Variants in PPP1R9A observed in about 807,000 individuals in gnomAD.
PPP1R9A encodes protein phosphatase 1 regulatory subunit 9A.
A neutral mutation model predicts 141.9 loss-of-function variants in PPP1R9A; 59 were observed. The ratio of observed to expected loss-of-function variants is 0.42; its 90% CI spans 0.34 to 0.52. PPP1R9A has a LOEUF of 0.52. Ranked by LOEUF, PPP1R9A falls within the 20% of genes least tolerant of loss-of-function variation. The pLI, the probability that PPP1R9A is intolerant of heterozygous loss-of-function variation, is 0.10. For missense variants in PPP1R9A, 1,444 were observed against 1,611.9 expected (o/e 0.90, Z 1.78); for synonymous variants, 500 against 569.7 (o/e 0.88, Z 1.74).
intron 2 of PPP1R9A, among the ~76,000 whole-genome samples, chr7:95,073,062 T>C (rs1814229398): frequency 6.8e-6 from 1 of 147,658 alleles, no homozygotes; most frequent in Admixed American, 7.1e-5. Flanking sequence ...CTTGGCTCAC[T>C]GTGAGCTCCG....
intron 2 of PPP1R9A, among the ~76,000 whole-genome samples, chr7:94,934,268 C>T (rs1232676092): frequency 6.6e-6 from 1 of 152,182 alleles, no homozygotes; most frequent in African/African-American, 2.4e-5. Flanking sequence ...TTCCCTGTAT[C>T]AGACTCACAC....
chr7:95,139,530 A>G (rs917285211), intron 4 of PPP1R9A, among the ~76,000 whole-genome samples: 1 of 152,204 alleles, frequency 6.6e-6, no homozygotes, highest in African/African-American at 2.4e-5. Flanking sequence ...GTGCAACTTC[A>G]GGAATCTGTG....
chr7:95,269,484 A>C lies in PPP1R9A; in HGVS notation c.3101A>C (p.Asn1034Thr), dbSNP rs758584079. 6.3e-7 allele frequency: 1 copy of C among 1,578,766 alleles called. No individual in the cohort carries two copies. The highest frequency in any genetic ancestry group is 8.6e-7 in the Non-Finnish European group (1 of 1,162,678). ...EESPCHHQTT[N>T]KKILREKDDA... The stretch of plus-strand genomic sequence containing the variant: ...TCTCCTTGCCATCACCAAACCACCA[A>C]CAAGAAAATATTACGAGAAAAAGGT... Residue 1034 changes from asparagine (N) to threonine (T), a missense_variant, in exon 14 of 20, where the codon AAC (asparagine) becomes ACC (threonine). By Grantham distance (65) the Asn-to-Thr change is moderately conservative. Around this residue, in one of 5 missense-constraint regions of PPP1R9A, gnomAD observed 459 missense variants for 513.8 expected, o/e 0.89. Coordinates refer to ENST00000433360, the MANE Select transcript of PPP1R9A (RefSeq NM_001166160.2).
At position 95,007,509 on chromosome 7, in the gene PPP1R9A, A is replaced by T. The variant is rs117375716; in HGVS notation, c.1395+96001A>T. Among the ~76,000 whole-genome samples, 989 of 152,272 alleles carry T rather than the reference A, an allele frequency of 6.5e-3. 59 individuals are homozygous for T. In the East Asian group the frequency reaches 0.15, roughly 23 times the overall value. On this transcript the variant is annotated intron_variant, in intron 2 of 19. Transcript: ENST00000433360. Reference sequence around the variant, plus strand: ...GTTTGTATTCTCTCATTTCCCATACATATGTCTCCTCAATTGTGTTATTAT... The same window carrying T: ...GTTTGTATTCTCTCATTTCCCATACTTATGTCTCCTCAATTGTGTTATTAT...
chr7:95,075,919 G>A (rs568938900), intron 2 of PPP1R9A, among the ~76,000 whole-genome samples: 2 of 152,220 alleles, frequency 1.3e-5, no homozygotes, highest in African/African-American at 4.8e-5. Context: ...TAACTTGTGG[G>A]AAAGTAACTA....
Position 95,139,854 on chromosome 7 carries a change from C to T in PPP1R9A, c.1649+19022C>T, listed in dbSNP as rs142953325. On this transcript the variant is annotated intron_variant, in intron 4 of 19. Transcript: ENST00000433360. The stretch of plus-strand genomic sequence containing the variant: ...AAAAAAAAACCCTGAAGCTTTGACT[C>T]CCAACCTCATCATGAGTAAGCTTAA... Among the ~76,000 whole-genome samples, 1,133 of 150,730 alleles carry T rather than the reference C, an allele frequency of 7.5e-3. 26 individuals carry two copies. Among genetic ancestry groups the T allele is most frequent in the Admixed American group, 0.039 (596 of 15,104 alleles).
chr7:95,108,883 G>A (rs547555326), intron 2 of PPP1R9A: 2 of 152,120 alleles, frequency 1.3e-5, no homozygotes, highest in Non-Finnish European at 2.9e-5. Flanking sequence ...TAGTGAAATT[G>A]AGTGATGTTC....
intron 2 of PPP1R9A, among the ~76,000 whole-genome samples, chr7:95,016,773 G>T (rs1392333128): frequency 6.6e-6 from 1 of 152,070 alleles, no homozygotes; most frequent in African/African-American, 2.4e-5. Context: ...GCCTACTTTC[G>T]TCCACTTCAT....
intron 4 of PPP1R9A, among the ~76,000 whole-genome samples, chr7:95,153,430 G>C (rs891836254): frequency 2.0e-5 from 3 of 151,980 alleles, no homozygotes; most frequent in Admixed American, 2.0e-4. Flanking sequence ...TTAAGCTTTA[G>C]GTATGGATAT....
rs953535006 is a variant in PPP1R9A at position 95,256,385 on chromosome 7, A to G, written c.2665+4255A>G. 3.3e-5 allele frequency among the ~76,000 whole-genome samples: 5 copies of G among 152,178 alleles called. No individual in the cohort carries two copies. The South Asian group carries it at 1.0e-3, about 32-fold the overall frequency. On this transcript the variant is annotated intron_variant, in intron 12 of 19. Coordinates refer to ENST00000433360, the MANE Select transcript of PPP1R9A (RefSeq NM_001166160.2). ...AGGAAAAATACATATAATTATTTCA[A>G]TGAATGAAGACAAACATTTAATGAA... is the stretch of plus-strand genomic sequence containing the variant.
rs185111633 is a variant in PPP1R9A at position 95,274,207 on chromosome 7, C to G, written c.3296+39C>G. 122 of 1,460,414 alleles carry G rather than the reference C, an allele frequency of 8.4e-5. No individual in the cohort carries two copies. In the East Asian group the frequency reaches 2.6e-3, roughly 31 times the overall value. The allele number at this position is 1,460,414 out of a possible 1,614,324, so 90.5% of individuals were successfully genotyped here. On this transcript the variant is annotated intron_variant, in intron 16 of 19. Coordinates refer to ENST00000433360, the MANE Select transcript of PPP1R9A (RefSeq NM_001166160.2). ...ATTAAGAACACGTGTATTTCTATAC[C>G]TAAACTTTCTGGCCCCCTCTTCTAT...
At chr7:95,174,770 A>C (rs549527877) in intron 5 of PPP1R9A, among the ~76,000 whole-genome samples, 2 of 152,198 alleles carry the variant, frequency 1.3e-5, no homozygotes, top group Admixed American at 6.6e-5. Flanking sequence ...TCTTGCATCT[A>C]ATTTTTTTAT....
At chr7:95,182,559 C>A (rs1034519878) in intron 5 of PPP1R9A, among the ~76,000 whole-genome samples, 1 of 152,208 alleles carries the variant, frequency 6.6e-6, no homozygotes, top group East Asian at 1.9e-4. Flanking sequence ...GTACAAGGGG[C>A]AATTGAGAAT....
intron 3 of PPP1R9A, among the ~76,000 whole-genome samples, chr7:95,119,345 A>T (rs1188686951): frequency 6.6e-6 from 1 of 152,246 alleles, no homozygotes; most frequent in Non-Finnish European, 1.5e-5. Context: ...AAATGGAAAT[A>T]AAAATGTGAA....
intron 2 of PPP1R9A, among the ~76,000 whole-genome samples, chr7:94,934,191 G>A (rs1203929082): frequency 6.6e-6 from 1 of 152,084 alleles, no homozygotes; most frequent in Non-Finnish European, 1.5e-5. Context: ...CAATATTTTG[G>A]CCTTTTTACT....
In PPP1R9A at chr7:95,269,535, A is replaced by G. The variant is rs371388323; in HGVS notation, c.3124+28A>G. ...ATTGTTAATTTCTTTTTCTGACTTC[A>G]TAACACCTCAGCTTGTACAGTATAA... On this transcript the variant is annotated intron_variant, in intron 14 of 19. Coordinates refer to ENST00000433360, the MANE Select transcript of PPP1R9A (RefSeq NM_001166160.2). 7 of 1,511,406 alleles carry G rather than the reference A, an allele frequency of 4.6e-6. No homozygotes were observed. In the African/African-American group the frequency reaches 5.5e-5, roughly 12 times the overall value. 93.6% of individuals were successfully genotyped at this position (1,511,406 alleles called of 1,614,324 possible).
intron 12 of PPP1R9A, among the ~76,000 whole-genome samples, chr7:95,254,674 G>A (rs927617422): frequency 6.6e-6 from 1 of 152,142 alleles, no homozygotes; most frequent in African/African-American, 2.4e-5. Context: ...GTAGGTCAAT[G>A]AAAATGGTCA....
intron 8 of PPP1R9A, among the ~76,000 whole-genome samples, chr7:95,228,574 A>G (rs921892391): frequency 1.3e-5 from 2 of 152,156 alleles, no homozygotes; most frequent in Non-Finnish European, 2.9e-5. Flanking sequence ...CTTCAGTGCA[A>G]TACTATTAGA....
intron 2 of PPP1R9A, among the ~76,000 whole-genome samples, chr7:95,000,385 A>G (rs854729): frequency 0.39 from 59,322 of 152,010 alleles, 12,410 homozygotes; most frequent in Middle Eastern, 0.5. Context: ...ACATACACAT[A>G]TGTTTACATC....
Sources: gnomAD v4.1 joint callset for allele counts (sites outside exome capture counted in the v4.1 genomes callset) on GRCh38, gnomAD v4.1.1 for gene constraint, gnomAD v4.1.1 regional missense constraint, MANE v1.5 for transcripts, NCBI Gene and HGNC (gene_info 2026-07-23, HGNC 2026-07-21) for gene names.